ZNF385D: variants seen among roughly 807,000 people sequenced by gnomAD.
ZNF385D encodes zinc finger protein 385D, also known as zinc finger protein 659.
In ZNF385D, 15 loss-of-function variants were observed where a neutral mutation model predicts 35.8. The ratio of observed to expected loss-of-function variants is 0.42; its 90% CI spans 0.28 to 0.64. ZNF385D has a LOEUF of 0.64. Ranked by LOEUF, ZNF385D falls within the 30% of genes least tolerant of loss-of-function variation. ZNF385D has a pLI of 0.23. For synonymous variants in ZNF385D, 212 were observed against 186.8 expected, an observed-to-expected ratio of 1.13 and a Z score of -1.10; for missense variants, 474 against 494.6, an observed-to-expected ratio of 0.96 and a Z score of 0.39.
At chr3:22,216,338 A>G (rs1007634373) in intron 2 of ZNF385D, among the ~76,000 whole-genome samples, 1 of 152,102 alleles carries the variant, frequency 6.6e-6, no homozygotes, top group Non-Finnish European at 1.5e-5. Context: ...CAATCTTGTT[A>G]ACAATACTAC....
At chr3:21,546,817 G>A (rs1423959564) in intron 3 of ZNF385D, among the ~76,000 whole-genome samples, 1 of 119,028 alleles carries the variant, frequency 8.4e-6, no homozygotes, top group Non-Finnish European at 1.7e-5. Flanking sequence ...AGGTGAGAGT[G>A]GATAATTCCT....
At chr3:21,768,843 T>C (rs2070949727) in intron 3 of ZNF385D, among the ~76,000 whole-genome samples, 1 of 151,862 alleles carries the variant, frequency 6.6e-6, no homozygotes, top group South Asian at 2.1e-4. Flanking sequence ...TCAGCAACCA[T>C]TTTTTCCCTC....
chr3:22,255,026 C>T lies in ZNF385D; in HGVS notation c.107-85991G>A, dbSNP rs545176007. ...TCATCACATTATTCAGAACAATGTG[C>T]AAACATGCAATTTAAAATCTATGTA... On this transcript the variant is annotated intron_variant, in intron 2 of 5. Transcript: ENST00000494108. Among the ~76,000 whole-genome samples the T allele has an allele frequency of 2.0e-5, 3 of 151,894 alleles. No homozygotes were observed. In the South Asian group the frequency reaches 6.2e-4, roughly 32 times the overall value.
chr3:22,343,268 A>C (rs911312233), intron 2 of ZNF385D, among the ~76,000 whole-genome samples: 1 of 152,220 alleles, frequency 6.6e-6, no homozygotes, highest in Non-Finnish European at 1.5e-5. Flanking sequence ...TCACTAAACA[A>C]AACAAAACAA....
At chr3:21,774,739 T>C (rs1364324657) in intron 3 of ZNF385D, among the ~76,000 whole-genome samples, 4 of 151,896 alleles carry the variant, frequency 2.6e-5, no homozygotes, top group African/African-American at 9.7e-5. Context: ...AATAACATGA[T>C]TTTGGCTTTC....
intron 2 of ZNF385D, among the ~76,000 whole-genome samples, chr3:22,292,806 A>C (rs767761641): frequency 7.9e-5 from 12 of 151,998 alleles, no homozygotes; most frequent in Non-Finnish European, 8.8e-5. Context: ...TACTTATATT[A>C]CTTTCTGGGG....
chr3:22,031,793 C>A (rs962965856), intron 3 of ZNF385D, among the ~76,000 whole-genome samples: 1 of 152,220 alleles, frequency 6.6e-6, no homozygotes, highest in African/African-American at 2.4e-5. Flanking sequence ...ACCGCATGGT[C>A]ACGCTGCCAA....
intron 3 of ZNF385D, among the ~76,000 whole-genome samples, chr3:21,982,523 C>T (rs532723012): frequency 4.6e-5 from 7 of 152,138 alleles, no homozygotes; most frequent in Middle Eastern, 3.2e-3. Context: ...ATCATGTTGT[C>T]TGCAAACAGA....
At chr3:22,070,618 T>A (rs563699128) in intron 3 of ZNF385D, among the ~76,000 whole-genome samples, 2 of 152,054 alleles carry the variant, frequency 1.3e-5, no homozygotes, top group Non-Finnish European at 2.9e-5. Flanking sequence ...GTTCTAGTCA[T>A]AGAAAGTACT....
intron 1 of ZNF385D, among the ~76,000 whole-genome samples, chr3:21,719,909 A>C (rs1432103512): frequency 6.6e-6 from 1 of 152,184 alleles, no homozygotes; most frequent in African/African-American, 2.4e-5. Context: ...CAATCAGGAG[A>C]ACTCTCTCTC....
chr3:22,249,885 C>A (rs1576563037), intron 2 of ZNF385D, among the ~76,000 whole-genome samples: 2 of 152,256 alleles, frequency 1.3e-5, no homozygotes, highest in Admixed American at 1.3e-4. Flanking sequence ...CTCAAAGAAG[C>A]CTCTCCATCA....
intron 3 of ZNF385D, among the ~76,000 whole-genome samples, chr3:22,033,129 C>T (rs1443628462): frequency 6.6e-6 from 1 of 152,090 alleles, no homozygotes; most frequent in Non-Finnish European, 1.5e-5. Flanking sequence ...AGGCCGGGCA[C>T]AGTGGCGCAC....
At chr3:22,231,228 G>A (rs1229562341) in intron 2 of ZNF385D, among the ~76,000 whole-genome samples, 2 of 152,186 alleles carry the variant, frequency 1.3e-5, no homozygotes, top group Non-Finnish European at 2.9e-5. Flanking sequence ...TCCTGAGAAA[G>A]TGTTGCAAGA....
intron 2 of ZNF385D, among the ~76,000 whole-genome samples, chr3:22,276,509 C>G (rs1701436500): frequency 6.6e-6 from 1 of 152,114 alleles, no homozygotes; most frequent in South Asian, 2.1e-4. Context: ...AAGCAATGCA[C>G]CTAAAGGTGC....
intron 1 of ZNF385D, among the ~76,000 whole-genome samples, chr3:21,728,600 C>T (rs1178027371): frequency 6.6e-6 from 1 of 152,250 alleles, no homozygotes; most frequent in African/African-American, 2.4e-5. Flanking sequence ...ACATCAGTTG[C>T]TTTTCCAAGG....
At position 21,765,693 on chromosome 3, in the gene ZNF385D, G is replaced by A. The variant is rs961384981; in HGVS notation, c.326-100665C>T. ...AATAGAGATACATATAAGTGCGTGCGTGCATGCACACGCACACACATACAC... is the reference window on the plus strand; with the variant it reads ...AATAGAGATACATATAAGTGCGTGCATGCATGCACACGCACACACATACAC... On this transcript the variant is annotated intron_variant, in intron 3 of 5. Transcript: ENST00000494108. Among the ~76,000 whole-genome samples, 8 of 151,076 alleles carry A rather than the reference G, an allele frequency of 5.3e-5. 1 individual carries two copies. The highest frequency in any genetic ancestry group is 2.0e-4 in the East Asian group (1 of 5,066).
At chr3:21,750,160 A>C (rs1398289411) in intron 1 of ZNF385D, among the ~76,000 whole-genome samples, 1 of 152,254 alleles carries the variant, frequency 6.6e-6, no homozygotes, top group African/African-American at 2.4e-5. Flanking sequence ...TTGCGGCGTT[A>C]GAGTGCAAAT....
intron 3 of ZNF385D, among the ~76,000 whole-genome samples, chr3:22,069,992 T>C (rs1700150953): frequency 6.6e-6 from 1 of 152,224 alleles, no homozygotes; most frequent in African/African-American, 2.4e-5. Flanking sequence ...AAGCTGTTTG[T>C]TACTTTACTA....
chr3:21,870,013 T>TA (rs1697600855), intron 3 of ZNF385D, among the ~76,000 whole-genome samples: 1 of 152,088 alleles, frequency 6.6e-6, no homozygotes, highest in East Asian at 1.9e-4. Flanking sequence ...GATTTTTTTT[T>TA]AAAAAACAAC....
Sources: allele counts gnomAD v4.1 joint callset (sites outside exome capture counted in the v4.1 genomes callset), GRCh38; gene constraint gnomAD v4.1.1; transcripts MANE v1.5; gene names NCBI Gene and HGNC (gene_info 2026-07-23, HGNC 2026-07-21).